SLC1A4: variants seen among roughly 807,000 people sequenced by gnomAD.
The protein encoded by SLC1A4 is neutral amino acid transporter A.
In SLC1A4, 19 loss-of-function variants were observed where a neutral mutation model predicts 37.7. That is an observed-to-expected ratio of 0.50 (90% confidence interval 0.35 to 0.74). The LOEUF is 0.74. Among genes scored for constraint, SLC1A4 ranks in the 30% least tolerant of loss-of-function variants. The pLI is 0.01. For synonymous variants in SLC1A4, 299 were observed against 309.8 expected, an observed-to-expected ratio of 0.97 and a Z score of 0.37; for missense variants, 570 against 712.9, an observed-to-expected ratio of 0.80 and a Z score of 2.28.
intron 1 of SLC1A4, among the ~76,000 whole-genome samples, chr2:64,991,104 T>A (rs1673031947): frequency 6.6e-6 from 1 of 152,186 alleles, no homozygotes; most frequent in African/African-American, 2.4e-5. Context: ...GATTTTGGAT[T>A]CTGAGCCTTG....
rs1673459365 is a variant in SLC1A4 at position 65,001,580 on chromosome 2, A to G, written c.570+90A>G. On this transcript the variant is annotated intron_variant, in intron 2 of 7. Coordinates refer to ENST00000234256, the MANE Select transcript of SLC1A4 (RefSeq NM_003038.5). ...TAGAGTTAGGTAAGGTAGAACAGGG[A>G]GAGATGGTGGTGTTAACAAAACTTG... 5 of 1,215,352 alleles carry G rather than the reference A, an allele frequency of 4.1e-6. No individual in the cohort carries two copies. The South Asian group carries it at 6.5e-5, about 16-fold the overall frequency. The allele number at this position is 1,215,352 out of a possible 1,614,324, so 75.3% of individuals were successfully genotyped here.
chr2:65,009,338 A>G (rs547787667), intron 3 of SLC1A4, among the ~76,000 whole-genome samples: 66 of 151,728 alleles, frequency 4.3e-4, no homozygotes, highest in African/African-American at 1.5e-3. Flanking sequence ...ACCCCATTGC[A>G]CTCCAGCCTG....
chr2:65,014,671 C>T (rs1674054819), intron 4 of SLC1A4, among the ~76,000 whole-genome samples: 1 of 152,226 alleles, frequency 6.6e-6, no homozygotes, highest in African/African-American at 2.4e-5. Context: ...TATGGAATAA[C>T]CACTTTGGAG....
In SLC1A4 at chr2:65,018,461, C is replaced by A; in HGVS notation, c.1230-84C>A. On this transcript the variant is annotated intron_variant, in intron 6 of 7. Transcript: ENST00000234256. This position sits in a 1 kb window ranked among gnomAD's most constrained non-coding sequence, Gnocchi z 4.3. ...GGTGGGGCGGTTTTTAGTTTCCAGCCACATTGCAGCTGCATGGTCTGCATT... is the reference window on the plus strand; with the variant it reads ...GGTGGGGCGGTTTTTAGTTTCCAGCAACATTGCAGCTGCATGGTCTGCATT... The A allele has an allele frequency of 1.3e-6, 2 of 1,559,108 alleles. No individual in the cohort carries two copies. Among genetic ancestry groups the A allele is most frequent in the Non-Finnish European group, 8.7e-7 (1 of 1,149,930 alleles).
rs1572975252 is a variant in SLC1A4, at chr2:65,021,184, T to C, written c.*38T>C. On this transcript the variant is annotated 3_prime_UTR_variant, in exon 8 of 8. Coordinates refer to ENST00000234256, the MANE Select transcript of SLC1A4 (RefSeq NM_003038.5). ...TTGGGCTTGCCTGCCAGCAGTGATG[T>C]CCCACCCTGTTCACCCAGCCGCCAG... 1.3e-6 allele frequency: 2 copies of C among 1,531,672 alleles called. No individual in the cohort carries two copies. The highest frequency in any genetic ancestry group is 1.8e-6 in the Non-Finnish European group (2 of 1,109,644). 94.9% of individuals were successfully genotyped at this position (1,531,672 alleles called of 1,614,324 possible).
chr2:65,001,409 T>C (rs1160945718), intron 1 of SLC1A4, 39 bp from the exon 2 acceptor site: 1 of 1,604,790 alleles, frequency 6.2e-7, no homozygotes, highest in Non-Finnish European at 8.5e-7. Flanking sequence ...AAAAAATTGT[T>C]TTAAAAGAAT....
chr2:65,004,304 G>C (rs1404920522), intron 3 of SLC1A4, among the ~76,000 whole-genome samples: 1 of 152,144 alleles, frequency 6.6e-6, no homozygotes, highest in African/African-American at 2.4e-5. Context: ...CCAGGCTGGA[G>C]TGCAGTGGTG....
chr2:65,010,333 C>T (rs2103663921), intron 3 of SLC1A4, among the ~76,000 whole-genome samples: 1 of 152,322 alleles, frequency 6.6e-6, no homozygotes. Flanking sequence ...GAGCCCACTA[C>T]CTTCCACTTT....
At position 65,015,698 on chromosome 2, in the gene SLC1A4, C is replaced by G. The variant is rs543773559; in HGVS notation, c.801-742C>G. On this transcript the variant is annotated intron_variant, in intron 4 of 7. Coordinates refer to ENST00000234256, the MANE Select transcript of SLC1A4 (RefSeq NM_003038.5). Reference sequence around the variant, plus strand: ...GCTTGGGAGAGAGATGAGAGGGAGACTTCACTCTGTTCACTCTTTTGTACC... The same window carrying G: ...GCTTGGGAGAGAGATGAGAGGGAGAGTTCACTCTGTTCACTCTTTTGTACC... 2.0e-5 allele frequency among the ~76,000 whole-genome samples: 3 copies of G among 152,334 alleles called. No homozygotes were observed. In the South Asian group the frequency reaches 6.2e-4, roughly 32 times the overall value.
intron 1 of SLC1A4, among the ~76,000 whole-genome samples, chr2:64,998,069 T>TAA (rs1673328561): frequency 6.6e-6 from 1 of 152,028 alleles, no homozygotes; most frequent in Non-Finnish European, 1.5e-5. Context: ...CCGTCTCTAC[T>TAA]AAAAATACAA....
intron 5 of SLC1A4, among the ~76,000 whole-genome samples, chr2:65,016,885 A>T (rs1329697249): frequency 1.3e-5 from 2 of 152,170 alleles, no homozygotes; most frequent in Non-Finnish European, 2.9e-5. Context: ...GGCTCAAGTG[A>T]TCCTCCCACC....
intron 2 of SLC1A4, among the ~76,000 whole-genome samples, chr2:65,002,199 G>A (rs1038054106): frequency 6.6e-6 from 1 of 152,070 alleles, no homozygotes; most frequent in African/African-American, 2.4e-5. Context: ...AGAATTGCTC[G>A]AACCTGGGAG....
rs535717246 is a variant in SLC1A4, at chr2:65,023,489, C to A, written c.*2343C>A. On this transcript the variant is annotated 3_prime_UTR_variant, in exon 8 of 8. Coordinates refer to ENST00000234256, the MANE Select transcript of SLC1A4 (RefSeq NM_003038.5). ...AGATGAATTTCACAAAGCCATAAAGCGTGAAATTAGAGCTGGACTTAAGAC... is the reference window on the plus strand; with the variant it reads ...AGATGAATTTCACAAAGCCATAAAGAGTGAAATTAGAGCTGGACTTAAGAC... 1 of 152,192 alleles carries A rather than the reference C, an allele frequency of 6.6e-6. No individual in the cohort carries two copies. The highest frequency in any genetic ancestry group is 1.5e-5 in the Non-Finnish European group (1 of 68,052). 9.4% of individuals were successfully genotyped at this position (152,192 alleles called of 1,614,324 possible).
At chr2:65,010,796 C>T in intron 4 of SLC1A4, 33 bp downstream of exon 4, 6 of 1,588,164 alleles carry the variant, frequency 3.8e-6, no homozygotes, top group Non-Finnish European at 5.1e-6. Context: ...CTCTCTCTCT[C>T]CTTCCTCCTG....
At chr2:65,015,109 G>A (rs1310420783) in intron 4 of SLC1A4, among the ~76,000 whole-genome samples, 1 of 152,230 alleles carries the variant, frequency 6.6e-6, no homozygotes, top group Non-Finnish European at 1.5e-5. Flanking sequence ...TTCCACCTTT[G>A]TGTACCTAGA....
At position 65,021,449 on chromosome 2, in the gene SLC1A4, C is replaced by CA; in HGVS notation, c.*304dup. 2.4e-6 allele frequency: 1 copy of CA among 414,028 alleles called. No homozygotes were observed. Among genetic ancestry groups the CA allele is most frequent in the East Asian group, 4.4e-5 (1 of 22,922 alleles). 25.6% of individuals were successfully genotyped at this position (414,028 alleles called of 1,614,324 possible). On this transcript the variant is annotated 3_prime_UTR_variant, in exon 8 of 8. Coordinates refer to ENST00000234256, the MANE Select transcript of SLC1A4 (RefSeq NM_003038.5). The stretch of plus-strand genomic sequence containing the variant: ...TGCCAGGCTCAAGAAATCATGGACT[C>CA]ACAGGGTCCTGTGTGGTTACATCTT...
chr2:65,012,151 G>A (rs1222911607), intron 4 of SLC1A4, among the ~76,000 whole-genome samples: 3 of 150,344 alleles, frequency 2.0e-5, no homozygotes, highest in Admixed American at 6.6e-5. Flanking sequence ...GTGCAGTGGT[G>A]CAATCTCGGC....
intron 1 of SLC1A4, among the ~76,000 whole-genome samples, chr2:64,992,139 G>C (rs1673083054): frequency 6.6e-6 from 1 of 152,198 alleles, no homozygotes; most frequent in Non-Finnish European, 1.5e-5. Flanking sequence ...GGCAATAATG[G>C]GGTTAAAGGA....
intron 4 of SLC1A4, among the ~76,000 whole-genome samples, chr2:65,012,608 C>G (rs1197704385): frequency 6.6e-6 from 1 of 152,150 alleles, no homozygotes; most frequent in African/African-American, 2.4e-5. Flanking sequence ...TCTATCACTG[C>G]CAATGCCATT....
Sources: allele counts gnomAD v4.1 joint callset (sites outside exome capture counted in the v4.1 genomes callset), GRCh38; gene constraint gnomAD v4.1.1; non-coding constraint Gnocchi (gnomAD v3.1); transcripts MANE v1.5; gene names NCBI Gene and HGNC (gene_info 2026-07-23, HGNC 2026-07-21).